The following KCNMA1 variants were observed in gnomAD, a reference collection of about 807,000 sequenced individuals.
KCNMA1 encodes potassium calcium-activated channel subfamily M alpha 1, also known as Calcium-activated potassium channel subunit alpha-1.
A neutral mutation model predicts 140.0 loss-of-function variants in KCNMA1; 29 were observed. The observed-to-expected ratio is 0.21, with a 90% CI of 0.15 to 0.28. KCNMA1 has a LOEUF of 0.28. KCNMA1 is among the 10% of genes least tolerant of loss of function. KCNMA1 has a pLI of 1.00. For missense variants in KCNMA1, 880 were observed against 1,602.2 expected, an observed-to-expected ratio of 0.55 and a Z score of 7.70; for synonymous variants, 612 against 611.9, an observed-to-expected ratio of 1.00 and a Z score of 0.00.
intron 23 of KCNMA1, among the ~76,000 whole-genome samples, chr10:76,916,717 A>G (rs976805301): frequency 6.6e-6 from 1 of 152,242 alleles, no homozygotes; most frequent in Non-Finnish European, 1.5e-5. Flanking sequence ...ACTTTCCAGC[A>G]ATGTGACAAG....
At chr10:77,369,235 G>A (rs2094536374) in intron 2 of KCNMA1, among the ~76,000 whole-genome samples, 1 of 152,096 alleles carries the variant, frequency 6.6e-6, no homozygotes, top group Non-Finnish European at 1.5e-5. Flanking sequence ...AAGAATCCCA[G>A]GTAATTTCCC....
In KCNMA1 at chr10:77,446,420, G is replaced by C. The variant is rs1603622753; in HGVS notation, c.379-42397C>G. ...AGCTAGAGTGGCCTCTCCAAGCTTG[G>C]GAGTTAGGGAAGCTGTACCCAGATC... On this transcript the variant is annotated intron_variant, in intron 1 of 27. Coordinates refer to ENST00000286628, the MANE Select transcript of KCNMA1 (RefSeq NM_001161352.2). Among the ~76,000 whole-genome samples, 3 of 152,296 alleles carry C rather than the reference G, an allele frequency of 2.0e-5. 1 individual carries two copies. In the Middle Eastern group the frequency reaches 0.01, roughly 518 times the overall value.
At chr10:76,950,261 T>A (rs1039670290) in intron 21 of KCNMA1, among the ~76,000 whole-genome samples, 8 of 152,186 alleles carry the variant, frequency 5.3e-5, no homozygotes, top group Non-Finnish European at 7.3e-5. Flanking sequence ...TCCAGGGACA[T>A]TTCTGGAGGG....
intron 1 of KCNMA1, among the ~76,000 whole-genome samples, chr10:77,435,411 G>A (rs2097240724): frequency 6.6e-6 from 1 of 152,210 alleles, no homozygotes; most frequent in Non-Finnish European, 1.5e-5. Flanking sequence ...CCGTTTGCAT[G>A]CAGTCTCAAT....
At chr10:77,573,637 GGAATGGAATAGAATAGAATAGAATA>G (rs750496623) in intron 1 of KCNMA1, among the ~76,000 whole-genome samples, 10,756 of 76,280 alleles carry the variant, frequency 0.14, 799 homozygotes, top group Middle Eastern at 0.19. Flanking sequence ...GGAATGGAAT[GGAATGGAATAGAATAGAATAGAATA>G]GAATAGAATA....
intron 3 of KCNMA1, among the ~76,000 whole-genome samples, chr10:77,240,543 C>A (rs557864401): frequency 6.6e-6 from 1 of 152,326 alleles, no homozygotes; most frequent in Admixed American, 6.5e-5. Context: ...AGAATAGAGG[C>A]TGAAAACAGG....
chr10:76,946,125 C>T (rs1279255190), intron 22 of KCNMA1, among the ~76,000 whole-genome samples: 7 of 152,140 alleles, frequency 4.6e-5, no homozygotes, highest in Admixed American at 2.6e-4. Flanking sequence ...CAACAGAGTC[C>T]GGGAATGCAA....
intron 1 of KCNMA1, among the ~76,000 whole-genome samples, chr10:77,524,579 G>A (rs114050263): frequency 1.0e-3 from 157 of 152,314 alleles, no homozygotes; most frequent in African/African-American, 3.6e-3. Flanking sequence ...ACCTCAGCAT[G>A]GTGGTATGTG....
intron 2 of KCNMA1, among the ~76,000 whole-genome samples, chr10:77,386,500 A>C (rs1039604762): frequency 6.6e-6 from 1 of 152,174 alleles, no homozygotes; most frequent in African/African-American, 2.4e-5. Context: ...GAAATTCTCT[A>C]TCCAGTCGTA....
chr10:77,240,603 T>C (rs2057020897), intron 3 of KCNMA1, among the ~76,000 whole-genome samples: 1 of 152,196 alleles, frequency 6.6e-6, no homozygotes, highest in Admixed American at 6.5e-5. Context: ...GCAAGTACTT[T>C]AAGAGTTTTG....
chr10:77,466,165 G>A (rs1286066256), intron 1 of KCNMA1, among the ~76,000 whole-genome samples: 2 of 152,074 alleles, frequency 1.3e-5, no homozygotes, highest in African/African-American at 2.4e-5. Flanking sequence ...CTCACTCCTC[G>A]ATCCTCAGTG....
intron 1 of KCNMA1, among the ~76,000 whole-genome samples, chr10:77,566,146 A>G (rs1018686786): frequency 1.3e-5 from 2 of 152,214 alleles, no homozygotes; most frequent in African/African-American, 4.8e-5. Flanking sequence ...TTTGGAAATT[A>G]ATGCCTAGAA....
At chr10:77,018,917 T>A in intron 17 of KCNMA1, 96 bp downstream of exon 17, 1 of 745,986 alleles carries the variant, frequency 1.3e-6, no homozygotes, top group East Asian at 2.6e-5. Flanking sequence ...ATAGACATGT[T>A]AAGGAGTTTT....
intron 13 of KCNMA1, 31 bp from the exon 14 acceptor site, chr10:77,073,283 GCT>G (rs967652188): frequency 6.2e-7 from 1 of 1,610,804 alleles, no homozygotes; most frequent in Non-Finnish European, 8.5e-7. Flanking sequence ...ATGAGACCTT[GCT>G]CTGTTAAATG....
chr10:77,044,957 G>A (rs2094954034), intron 14 of KCNMA1, among the ~76,000 whole-genome samples: 2 of 152,138 alleles, frequency 1.3e-5, no homozygotes, highest in African/African-American at 2.4e-5. Context: ...TATCAAAACC[G>A]AAGCCCATCA....
chr10:77,230,658 C>A (rs148161612), intron 3 of KCNMA1, among the ~76,000 whole-genome samples: 2 of 152,140 alleles, frequency 1.3e-5, no homozygotes, highest in Non-Finnish European at 2.9e-5. Flanking sequence ...CAGGCTCACA[C>A]TGGGGCTCTG....
chr10:77,431,681 TAAAAAAAAAAAAAA>T (rs71028276), intron 1 of KCNMA1, among the ~76,000 whole-genome samples: 19,366 of 77,222 alleles, frequency 0.25, 2,048 homozygotes, highest in Non-Finnish European at 0.29. Flanking sequence ...TGGTCTGTTG[TAAAAAAAAAAAAAA>T]AAAAAAAAAA....
Position 77,260,957 on chromosome 10 carries a change from T to G in KCNMA1, c.541-9701A>C, listed in dbSNP as rs914291047. On this transcript the variant is annotated intron_variant, in intron 2 of 27. Transcript: ENST00000286628. ...GAAATGCCAACGTTCCAATAATAAG[T>G]GAATATATTTGTGTGTATTTGTATG... is the stretch of plus-strand genomic sequence containing the variant. Among the ~76,000 whole-genome samples, 7 of 152,102 alleles carry G rather than the reference T, an allele frequency of 4.6e-5. 1 individual carries two copies. The highest frequency in any genetic ancestry group is 1.7e-4 in the African/African-American group (7 of 41,400).
At chr10:77,117,539 C>CAAAAAAAAAAAAAAAAAAAAAA (rs56926398) in intron 6 of KCNMA1, among the ~76,000 whole-genome samples, 4 of 22,506 alleles carry the variant, frequency 1.8e-4, no homozygotes, top group African/African-American at 3.0e-4. Flanking sequence ...GAGTCTATCT[C>CAAAAAAAAAAAAAAAAAAAAAA]AAAAAAAAAA....
Sources: gnomAD v4.1 joint callset for allele counts (sites outside exome capture counted in the v4.1 genomes callset) on GRCh38, gnomAD v4.1.1 for gene constraint, MANE v1.5 for transcripts, NCBI Gene and HGNC (gene_info 2026-07-23, HGNC 2026-07-21) for gene names.